Variants in TTC1 observed in about 807,000 individuals in gnomAD.
TTC1 encodes tetratricopeptide repeat protein 1.
TTC1 carries 31 observed loss-of-function variants against 37.6 expected under a neutral mutation model. That is an observed-to-expected ratio of 0.82 (90% CI 0.62 to 1.11). The LOEUF (loss-of-function observed/expected upper bound fraction) is 1.11. TTC1 is among the 50% of genes most tolerant of loss of function. The pLI, the probability that TTC1 is intolerant of heterozygous loss-of-function variation, is 0.00. For missense variants in TTC1, 351 were observed against 339.0 expected (o/e 1.04, Z -0.28); for synonymous variants, 127 against 122.4 (o/e 1.04, Z -0.25).
At chr5:160,037,782 T>G (rs1757021020) in intron 4 of TTC1, among the ~76,000 whole-genome samples, 1 of 132,840 alleles carries the variant, frequency 7.5e-6, no homozygotes, top group African/African-American at 2.7e-5. Context: ...ATGAGAGTGG[T>G]TTTTTTTTTT....
intron 2 of TTC1, among the ~76,000 whole-genome samples, chr5:160,019,741 C>T (rs1195485358): frequency 3.3e-5 from 5 of 151,972 alleles, no homozygotes; most frequent in African/African-American, 1.2e-4. Context: ...TGTGCCACCA[C>T]ACCCAGCTAA....
rs1240815885 is a variant in TTC1, at chr5:160,035,954, T to G, written c.392-737T>G. ...ATTACCTGATTTCAGATTTTAGGGTTTTTTTTTTTTTCCTATATCTTGGTT... is the reference window on the plus strand; with the variant it reads ...ATTACCTGATTTCAGATTTTAGGGTGTTTTTTTTTTTCCTATATCTTGGTT... On this transcript the variant is annotated intron_variant, in intron 3 of 7. Coordinates refer to ENST00000231238, the MANE Select transcript of TTC1 (RefSeq NM_003314.3). Among the ~76,000 whole-genome samples, 17 of 148,272 alleles carry G rather than the reference T, an allele frequency of 1.1e-4. No homozygotes were observed. In the East Asian group the frequency reaches 1.2e-3, roughly 10 times the overall value.
chr5:160,037,112 G>C (rs1217272780), intron 4 of TTC1, among the ~76,000 whole-genome samples: 1 of 152,142 alleles, frequency 6.6e-6, no homozygotes. Context: ...AATAGCTCTA[G>C]ATCCTTATTT....
intron 2 of TTC1, among the ~76,000 whole-genome samples, chr5:160,011,498 A>T (rs959340116): frequency 3.3e-5 from 5 of 152,240 alleles, no homozygotes; most frequent in Non-Finnish European, 5.9e-5. Flanking sequence ...GGATGAAGTA[A>T]CTAGCCCAAG....
intron 1 of TTC1, 141 bp from the exon 2 acceptor site, chr5:160,010,359 G>T: frequency 5.9e-6 from 3 of 505,604 alleles, no homozygotes; most frequent in Non-Finnish European, 1.1e-5. Flanking sequence ...ATGATAAGCT[G>T]TATTTTTAAA....
intron 5 of TTC1, 97 bp downstream of exon 5, chr5:160,043,266 TC>T: frequency 7.7e-7 from 1 of 1,305,858 alleles, no homozygotes. Flanking sequence ...TGTGTACCCT[TC>T]CTCTGGGGCC....
chr5:160,045,454 CCACACA>C (rs57919333), intron 5 of TTC1, among the ~76,000 whole-genome samples: 1,827 of 38,674 alleles, frequency 0.047, 58 homozygotes, highest in Non-Finnish European at 0.057. Context: ...CCCCCACCCT[CCACACA>C]CACACACACA....
chr5:160,035,729 T>G (rs1177085414), intron 3 of TTC1, among the ~76,000 whole-genome samples: 1 of 152,224 alleles, frequency 6.6e-6, no homozygotes, highest in East Asian at 1.9e-4. Flanking sequence ...CTTCATGTCC[T>G]TCTGCATTTT....
At position 160,065,507 on chromosome 5, in the gene TTC1, T is replaced by C; in HGVS notation, c.*442T>C. The C allele has an allele frequency of 2.4e-6, 1 of 425,022 alleles. No homozygotes were observed. Among genetic ancestry groups the C allele is most frequent in the Non-Finnish European group, 4.7e-6 (1 of 213,680 alleles). 26.3% of individuals were successfully genotyped at this position (425,022 alleles called of 1,614,324 possible). ...TAACGAGGCTGCCTCCAGCATTTCC[T>C]GATTTCCTCTGTGGTAATAAAAGCT... is the stretch of plus-strand genomic sequence containing the variant. On this transcript the variant is annotated 3_prime_UTR_variant, in exon 8 of 8. Transcript: ENST00000231238.
chr5:160,028,081 C>T (rs189635236), intron 2 of TTC1, among the ~76,000 whole-genome samples: 84 of 152,162 alleles, frequency 5.5e-4, no homozygotes, highest in Non-Finnish European at 9.3e-4. Context: ...GAGTGGATCA[C>T]GAGGTCAGGA....
intron 5 of TTC1, 145 bp from the exon 6 acceptor site, chr5:160,049,369 A>T: frequency 1.4e-6 from 1 of 691,836 alleles, no homozygotes; most frequent in Non-Finnish European, 2.2e-6. Context: ...CTTTATAGAA[A>T]AAGTTTTCCA....
At chr5:160,051,245 C>T (rs1449162036) in intron 7 of TTC1, 62 bp downstream of exon 7, 48 of 1,356,758 alleles carry the variant, frequency 3.5e-5, no homozygotes, top group Admixed American at 7.8e-5. Flanking sequence ...GGGGACATAG[C>T]GAATACTAGA....
intron 2 of TTC1, among the ~76,000 whole-genome samples, chr5:160,027,540 T>C (rs1255689961): frequency 6.6e-6 from 1 of 152,218 alleles, no homozygotes; most frequent in African/African-American, 2.4e-5. Context: ...AAAATAATAT[T>C]AGAGTCTTAT....
chr5:160,009,452 C>A (rs1756453999), intron 1 of TTC1, among the ~76,000 whole-genome samples: 1 of 152,102 alleles, frequency 6.6e-6, no homozygotes, highest in South Asian at 2.1e-4. Flanking sequence ...GGGTCGTTGG[C>A]GTGATTTTGC....
At chr5:160,052,663 C>A (rs767466311) in intron 7 of TTC1, among the ~76,000 whole-genome samples, 18 of 150,210 alleles carry the variant, frequency 1.2e-4, no homozygotes, top group Admixed American at 2.0e-4. Context: ...GTCTCTTAGT[C>A]CATTTTTTTA....
intron 5 of TTC1, among the ~76,000 whole-genome samples, chr5:160,046,480 C>G (rs1278138319): frequency 6.6e-6 from 1 of 151,986 alleles, no homozygotes; most frequent in Non-Finnish European, 1.5e-5. Context: ...AGCGTGGGAC[C>G]CTCTTCTTTT....
intron 2 of TTC1, among the ~76,000 whole-genome samples, chr5:160,031,654 AC>A (rs1756912311): frequency 6.6e-6 from 1 of 152,022 alleles, no homozygotes. Flanking sequence ...CCTCAGAATT[AC>A]ATTCTGGAGC....
chr5:160,041,671 C>G (rs946315479), intron 4 of TTC1, among the ~76,000 whole-genome samples: 1 of 152,046 alleles, frequency 6.6e-6, no homozygotes, highest in African/African-American at 2.4e-5. Context: ...AGCATCACAC[C>G]AACACCTGAG....
At chr5:160,049,190 T>G (rs1757336355) in intron 5 of TTC1, among the ~76,000 whole-genome samples, 2 of 152,348 alleles carry the variant, frequency 1.3e-5, no homozygotes, top group Admixed American at 6.5e-5. Context: ...AATGTGAAAA[T>G]TATGTGAACT....
Sources: allele counts gnomAD v4.1 joint callset (sites outside exome capture counted in the v4.1 genomes callset), GRCh38; gene constraint gnomAD v4.1.1; transcripts MANE v1.5; gene names NCBI Gene and HGNC (gene_info 2026-07-23, HGNC 2026-07-21).